IQGAP2: variants seen among roughly 807,000 people sequenced by gnomAD.
IQGAP2 encodes ras GTPase-activating-like protein IQGAP2.
IQGAP2 carries 173 observed loss-of-function variants against 201.3 expected under a neutral mutation model. The ratio of observed to expected loss-of-function variants is 0.86; its 90% CI spans 0.76 to 0.98. The LOEUF is 0.98. Ranked by LOEUF, IQGAP2 falls within the 50% of genes least tolerant of loss-of-function variation. The probability of loss-of-function intolerance (pLI) is 0.00; values close to 1 mark genes in which losing one functional copy is unlikely to be tolerated. For synonymous variants in IQGAP2, 675 were observed against 673.9 expected (o/e 1.00, Z -0.03); for missense variants, 1,687 against 1,864.8 (o/e 0.90, Z 1.76).
intron 8 of IQGAP2, among the ~76,000 whole-genome samples, chr5:76,592,513 T>G (rs1746730949): frequency 1.3e-5 from 2 of 152,210 alleles, no homozygotes; most frequent in Admixed American, 1.3e-4. Flanking sequence ...GTTCTTGATT[T>G]TATTAGATCA....
At chr5:76,610,710 C>CT (rs774392770) in intron 12 of IQGAP2, among the ~76,000 whole-genome samples, 72 of 152,104 alleles carry the variant, frequency 4.7e-4, no homozygotes, top group African/African-American at 1.7e-3. Flanking sequence ...ATTTATTTGT[C>CT]TTTAAGTTTT....
chr5:76,426,650 T>A (rs376186316), intron 1 of IQGAP2, among the ~76,000 whole-genome samples: 2 of 152,352 alleles, frequency 1.3e-5, no homozygotes, highest in South Asian at 2.1e-4. Context: ...AACTGGTCTA[T>A]GTGCCGAGTC....
chr5:76,610,220 C>T (rs1421262383), intron 12 of IQGAP2, among the ~76,000 whole-genome samples: 1 of 140,270 alleles, frequency 7.1e-6, no homozygotes, highest in Non-Finnish European at 1.5e-5. Flanking sequence ...GCAACCTCTG[C>T]CTCCTGGATT....
chr5:76,419,301 A>AT (rs1196628922), intron 1 of IQGAP2, among the ~76,000 whole-genome samples: 1 of 151,194 alleles, frequency 6.6e-6, no homozygotes, highest in Admixed American at 6.6e-5. Flanking sequence ...TTAAAAAAAT[A>AT]TTTTTTGGTT....
At position 76,562,493 on chromosome 5, in the gene IQGAP2, T is replaced by C. The variant is rs1744449768; in HGVS notation, c.244T>C (p.Phe82Leu). The C allele has an allele frequency of 6.2e-7, 1 of 1,614,102 alleles. No homozygotes were observed. The highest frequency in any genetic ancestry group is 2.2e-5 in the East Asian group (1 of 44,878). Residue 82 changes from phenylalanine to leucine, a missense_variant, in exon 3 of 36, where the codon TTT (phenylalanine) becomes CTT (leucine). Phe to Leu is a conservative substitution (Grantham distance 22). Coordinates refer to ENST00000274364, the MANE Select transcript of IQGAP2 (RefSeq NM_006633.5). ...GVYLAKLAKF[F>L]APKMVSEKKI... ...TTACCTTGCAAAGTTAGCCAAGTTC[T>C]TTGCCCCGAAAATGGTATCAGAGAA...
chr5:76,474,240 T>G (rs79721206), intron 2 of IQGAP2, among the ~76,000 whole-genome samples: 166 of 152,318 alleles, frequency 1.1e-3, no homozygotes, highest in African/African-American at 3.8e-3. Flanking sequence ...CATGAGTCTC[T>G]ATACACCATG....
intron 1 of IQGAP2, among the ~76,000 whole-genome samples, chr5:76,416,574 G>A (rs929653174): frequency 6.6e-6 from 1 of 150,456 alleles, no homozygotes; most frequent in Non-Finnish European, 1.5e-5. Context: ...CACCCAGGCT[G>A]GAGTGTGCAG....
chr5:76,525,945 C>T (rs989097504), intron 2 of IQGAP2, among the ~76,000 whole-genome samples: 2 of 152,174 alleles, frequency 1.3e-5, no homozygotes, highest in Non-Finnish European at 2.9e-5. Flanking sequence ...CTGCCAATAT[C>T]TGGTGGGTGG....
chr5:76,541,263 A>AT (rs1742753810), intron 2 of IQGAP2, among the ~76,000 whole-genome samples: 1 of 151,950 alleles, frequency 6.6e-6, no homozygotes, highest in South Asian at 2.1e-4. Context: ...GATACCTCAT[A>AT]TAAGTGGAAT....
chr5:76,651,122 A>C (rs867480960), intron 17 of IQGAP2, among the ~76,000 whole-genome samples: 2 of 152,160 alleles, frequency 1.3e-5, no homozygotes, highest in African/African-American at 4.8e-5. Context: ...ATAAGGCAAG[A>C]ATTTTCCCAA....
chr5:76,618,078 G>A, intron 13 of IQGAP2: 1 of 1,614,140 alleles, frequency 6.2e-7, no homozygotes, highest in Non-Finnish European at 8.5e-7. Context: ...TGTTACCAAG[G>A]CATAGGTGTG....
At chr5:76,690,212 A>G (rs1746145036) in intron 30 of IQGAP2, among the ~76,000 whole-genome samples, 1 of 152,128 alleles carries the variant, frequency 6.6e-6, no homozygotes, top group Non-Finnish European at 1.5e-5. Flanking sequence ...GATGCATATT[A>G]AGGTCATTGG....
chr5:76,496,783 T>TTCTTTCTTTCTTTC (rs1757007004), intron 2 of IQGAP2, among the ~76,000 whole-genome samples: 1 of 128,020 alleles, frequency 7.8e-6, no homozygotes, highest in Non-Finnish European at 1.6e-5. Context: ...CTTTCTTTCT[T>TTCTTTCTTTCTTTC]TCTTTCTTTC....
intron 2 of IQGAP2, among the ~76,000 whole-genome samples, chr5:76,557,518 T>A (rs979302498): frequency 6.6e-6 from 1 of 152,236 alleles, no homozygotes; most frequent in Non-Finnish European, 1.5e-5. Flanking sequence ...TGATGCCTAA[T>A]GTTAAAAAAA....
chr5:76,617,355 C>T (rs1473373181), intron 13 of IQGAP2: 3 of 422,698 alleles, frequency 7.1e-6, no homozygotes, highest in Non-Finnish European at 4.2e-6. Context: ...ACCTGGGAGG[C>T]AGAGGTTGCA....
intron 1 of IQGAP2, among the ~76,000 whole-genome samples, chr5:76,422,257 G>A (rs934379517): frequency 3.3e-5 from 5 of 152,132 alleles, no homozygotes; most frequent in East Asian, 1.9e-4. Flanking sequence ...GTAAGCAGAC[G>A]CTATGTATTT....
intron 17 of IQGAP2, among the ~76,000 whole-genome samples, chr5:76,651,745 T>A (rs917164310): frequency 3.3e-5 from 5 of 152,106 alleles, no homozygotes; most frequent in South Asian, 2.1e-4. Flanking sequence ...TTTTTTTTTT[T>A]AAACATATTT....
At chr5:76,651,586 ATGAGACCCTGTCTC>A (rs1752516893) in intron 17 of IQGAP2, among the ~76,000 whole-genome samples, 1 of 152,176 alleles carries the variant, frequency 6.6e-6, no homozygotes. Flanking sequence ...CTGGGACAAA[ATGAGACCCTGTCTC>A]AAAAAATAAT....
chr5:76,565,658 G>A (rs1351280153), intron 3 of IQGAP2, among the ~76,000 whole-genome samples: 2 of 152,262 alleles, frequency 1.3e-5, no homozygotes, highest in Middle Eastern at 3.4e-3. Flanking sequence ...CAGCAAATGG[G>A]GCAGGGTCTT....
Sources: allele counts gnomAD v4.1 joint callset (sites outside exome capture counted in the v4.1 genomes callset), GRCh38; gene constraint gnomAD v4.1.1; transcripts MANE v1.5; gene names NCBI Gene and HGNC (gene_info 2026-07-23, HGNC 2026-07-21).